EFCAB7: variants seen among roughly 807,000 people sequenced by gnomAD.
EFCAB7 encodes the protein EF-hand calcium binding domain 7.
EFCAB7 carries 66 observed loss-of-function variants against 77.1 expected under a neutral mutation model. That is an observed-to-expected ratio of 0.86 (90% CI 0.70 to 1.05). The LOEUF is 1.05. Ranked by LOEUF, EFCAB7 falls within the 50% of genes least tolerant of loss-of-function variation. EFCAB7 has a pLI of 0.00. For missense variants in EFCAB7, 638 were observed against 730.5 expected (o/e 0.87, Z 1.46); for synonymous variants, 225 against 243.3 (o/e 0.92, Z 0.70).
chr1:63,533,390 G>A, intron 4 of EFCAB7, 64 bp from the exon 5 acceptor site: 1 of 1,233,878 alleles, frequency 8.1e-7, no homozygotes. Flanking sequence ...ATGTGCATTT[G>A]CTTTCTCCTC....
At chr1:63,532,536 A>G in intron 3 of EFCAB7, 134 bp from the exon 4 acceptor site, 1 of 618,766 alleles carries the variant, frequency 1.6e-6, no homozygotes, top group South Asian at 2.5e-5. Context: ...TTTATATATA[A>G]TACTCATGAT....
At chr1:63,527,859 T>C (rs558903240) in intron 2 of EFCAB7, 10 of 152,336 alleles carry the variant, frequency 6.6e-5, no homozygotes, top group Admixed American at 1.3e-4. Context: ...AGCTACCACT[T>C]GTGAGAAAAA....
chr1:63,532,992 A>T (rs931434240), intron 4 of EFCAB7, among the ~76,000 whole-genome samples: 1 of 152,134 alleles, frequency 6.6e-6, no homozygotes, highest in Non-Finnish European at 1.5e-5. Flanking sequence ...AATATTGTGC[A>T]TGAAATTTAA....
At chr1:63,568,062 T>C (rs1647189567) in intron 11 of EFCAB7, among the ~76,000 whole-genome samples, 1 of 152,162 alleles carries the variant, frequency 6.6e-6, no homozygotes, top group Non-Finnish European at 1.5e-5. Context: ...AAGAAGGTGG[T>C]ATATTACTGA....
the EFCAB7 span, among the ~76,000 whole-genome samples, chr1:63,580,430 C>T: frequency 5.3e-5 from 8 of 152,068 alleles, no homozygotes; most frequent in East Asian, 1.9e-4. Flanking sequence ...TTCCATTGAT[C>T]GATGTGTCTT....
intron 9 of EFCAB7, among the ~76,000 whole-genome samples, chr1:63,555,814 TG>T (rs1376279794): frequency 6.6e-6 from 1 of 152,124 alleles, no homozygotes; most frequent in Non-Finnish European, 1.5e-5. Flanking sequence ...CATTGCTCAC[TG>T]AAGCCTCAGA....
chr1:63,543,698 T>A (rs1646857326), intron 6 of EFCAB7, among the ~76,000 whole-genome samples: 1 of 152,198 alleles, frequency 6.6e-6, no homozygotes, highest in Non-Finnish European at 1.5e-5. Context: ...TAAATCTTTC[T>A]ATAATGAATT....
At chr1:63,560,618 G>C (rs1647086788) in intron 10 of EFCAB7, among the ~76,000 whole-genome samples, 2 of 148,450 alleles carry the variant, frequency 1.3e-5, no homozygotes, top group African/African-American at 5.0e-5. Flanking sequence ...CCAGGTTCAA[G>C]TGATTCTCTG....
chr1:63,585,147 GA>G, the EFCAB7 span, among the ~76,000 whole-genome samples: 1 of 149,078 alleles, frequency 6.7e-6, no homozygotes, highest in Middle Eastern at 3.4e-3. Flanking sequence ...TATTTTGGAA[GA>G]GGTTTTTTTT....
intron 13 of EFCAB7, among the ~76,000 whole-genome samples, chr1:63,571,763 C>T (rs1419913777): frequency 1.3e-5 from 2 of 149,742 alleles, no homozygotes; most frequent in Non-Finnish European, 3.0e-5. Flanking sequence ...GATGTATGTA[C>T]ATGAAAGTAC....
chr1:63,531,063 A>G (rs12132593), intron 2 of EFCAB7, among the ~76,000 whole-genome samples: 23,358 of 151,998 alleles, frequency 0.15, 2,230 homozygotes, highest in South Asian at 0.22. Context: ...AATGCTAACT[A>G]TAGTCACCAT....
chr1:63,546,066 A>C lies in EFCAB7; in HGVS notation c.946+9A>C. 6.2e-7 allele frequency: 1 copy of C among 1,602,154 alleles called. No homozygotes were observed. On this transcript the variant is annotated intron_variant, in intron 7 of 13. Coordinates refer to ENST00000371088, the MANE Select transcript of EFCAB7 (RefSeq NM_032437.4). ...CCTGAGTCAAGTTGAAGGCAAGTTT[A>C]AGTTTTTTGTATATTTTTAAAATGT...
intron 2 of EFCAB7, among the ~76,000 whole-genome samples, chr1:63,527,028 G>T (rs1361165273): frequency 1.3e-5 from 2 of 152,208 alleles, no homozygotes; most frequent in Admixed American, 6.5e-5. Context: ...GCCTCCCAAA[G>T]TGCTGGCATT....
chr1:63,531,817 C>T lies in EFCAB7; in HGVS notation c.188-3C>T. 1 of 1,609,434 alleles carries T rather than the reference C, an allele frequency of 6.2e-7. No individual in the cohort carries two copies. Among genetic ancestry groups the T allele is most frequent in the Non-Finnish European group, 8.5e-7 (1 of 1,178,294 alleles). The stretch of plus-strand genomic sequence containing the variant: ...CACAAATAATACTTGTCTTGTTGGG[C>T]AGCTCTTCAGCATGCAGGAAGAAAT... On this transcript the variant is annotated splice_polypyrimidine_tract_variant and splice_region_variant and intron_variant, in intron 2 of 13. Transcript: ENST00000371088.
At chr1:63,581,655 C>T in the EFCAB7 span, among the ~76,000 whole-genome samples, 1 of 152,038 alleles carries the variant, frequency 6.6e-6, no homozygotes, top group Non-Finnish European at 1.5e-5. Context: ...TGGGTTTGAA[C>T]TTCATGGGTC....
intron 7 of EFCAB7, chr1:63,550,495 C>A (rs913880296): frequency 1.3e-5 from 2 of 151,958 alleles, no homozygotes; most frequent in African/African-American, 4.8e-5. Flanking sequence ...CTTAGATACA[C>A]CTTTTATTAA....
chr1:63,533,465 A>G lies in EFCAB7; in HGVS notation c.498A>G (p.Leu166=). The G allele has an allele frequency of 1.2e-6, 2 of 1,602,522 alleles. No individual in the cohort carries two copies. The highest frequency in any genetic ancestry group is 1.7e-6 in the Non-Finnish European group (2 of 1,176,982). Residue 166 remains leucine, a synonymous_variant, in exon 5 of 14, where the codon TTA becomes TTG. Coordinates refer to ENST00000371088, the MANE Select transcript of EFCAB7 (RefSeq NM_032437.4). ...GKFDYIKFCK[L]YMTTNEQCLK... is the part of the protein sequence containing the mutation. ...TTTTTTTCCTGTAGTTTTGTAAATT[A>G]TATATGACAACCAACGAGCAATGTC...
At chr1:63,584,362 C>T in the EFCAB7 span, among the ~76,000 whole-genome samples, 1 of 152,072 alleles carries the variant, frequency 6.6e-6, no homozygotes, top group South Asian at 2.1e-4. Flanking sequence ...CAAGATCAGC[C>T]TGGGCAACAT....
At chr1:63,559,803 C>G (rs1247833315) in intron 10 of EFCAB7, among the ~76,000 whole-genome samples, 1 of 152,168 alleles carries the variant, frequency 6.6e-6, no homozygotes, top group African/African-American at 2.4e-5. Context: ...ATTGAATTGC[C>G]TTTGCTCCTT....
Sources: allele counts gnomAD v4.1 joint callset (sites outside exome capture counted in the v4.1 genomes callset), GRCh38; gene constraint gnomAD v4.1.1; transcripts MANE v1.5; gene names NCBI Gene and HGNC (gene_info 2026-07-23, HGNC 2026-07-21).